C11orf54: variants seen among roughly 807,000 people sequenced by gnomAD.
The protein encoded by C11orf54 is beta-keto L-gulonate decarboxylase.
C11orf54 carries 29 observed loss-of-function variants against 35.5 expected under a neutral mutation model. That is an observed-to-expected ratio of 0.82 (90% confidence interval 0.61 to 1.11). The LOEUF (loss-of-function observed/expected upper bound fraction) is 1.11, where lower values mean the gene tolerates loss of function less well. Ranked by LOEUF, C11orf54 falls within the 50% of genes most tolerant of loss-of-function variation. The probability of loss-of-function intolerance (pLI) is 0.00; values close to 1 mark genes in which losing one functional copy is unlikely to be tolerated. For missense variants in C11orf54, 373 were observed against 369.2 expected (o/e 1.01, Z -0.08); for synonymous variants, 108 against 121.1 (o/e 0.89, Z 0.71).
At chr11:93,754,252 C>T (rs606462) in intron 5 of C11orf54, among the ~76,000 whole-genome samples, 2 of 151,920 alleles carry the variant, frequency 1.3e-5, no homozygotes, top group Non-Finnish European at 2.9e-5. Flanking sequence ...TAGGTCATAG[C>T]TTCAGCCTTA....
intron 5 of C11orf54, 162 bp from the exon 6 acceptor site, chr11:93,755,048 T>G: frequency 1.2e-6 from 1 of 800,038 alleles, no homozygotes. Flanking sequence ...ATAAATGTTT[T>G]CCAAGTTTTT....
In C11orf54 at chr11:93,759,791, A is replaced by C; in HGVS notation, c.707A>C (p.Lys236Thr). 1 of 1,610,966 alleles carries C rather than the reference A, an allele frequency of 6.2e-7. No homozygotes were observed. The highest frequency in any genetic ancestry group is 8.5e-7 in the Non-Finnish European group (1 of 1,177,930). Residue 236 changes from lysine (K) to threonine (T), a missense_variant, in exon 8 of 9, where the codon AAA becomes ACA. Lys to Thr is a moderately conservative substitution (Grantham distance 78, BLOSUM62 -1). Transcript: ENST00000354421. ...CPLNSDEEVN[K>T]WLHFYEMKAP... Reference sequence around the variant, plus strand: ...TTGAACTCTGATGAAGAAGTGAATAAATGGTTGCATTTTTATGAAATGAAA... The same window carrying C: ...TTGAACTCTGATGAAGAAGTGAATACATGGTTGCATTTTTATGAAATGAAA...
rs998687769 is a variant in C11orf54 at position 93,761,743 on chromosome 11, C to T, written c.*55C>T. The T allele has an allele frequency of 7.0e-7, 1 of 1,433,814 alleles. No individual in the cohort carries two copies. Among genetic ancestry groups the T allele is most frequent in the Non-Finnish European group, 9.4e-7 (1 of 1,058,470 alleles). The allele number at this position is 1,433,814 out of a possible 1,614,324, so 88.8% of individuals were successfully genotyped here. On this transcript the variant is annotated 3_prime_UTR_variant, in exon 9 of 9. Transcript: ENST00000354421. Reference sequence around the variant, plus strand: ...TAATTAAGGTTAATTAATTGATTGACTTATTAATTAATACTGATATAAAAC... The same window carrying T: ...TAATTAAGGTTAATTAATTGATTGATTTATTAATTAATACTGATATAAAAC...
At chr11:93,757,172 C>T (rs373007838) in intron 6 of C11orf54, 144 bp from the exon 7 acceptor site, 33 of 781,394 alleles carry the variant, frequency 4.2e-5, no homozygotes, top group African/African-American at 1.9e-4. Context: ...TCAAAATTCA[C>T]GGGATTGCAA....
intron 6 of C11orf54, among the ~76,000 whole-genome samples, chr11:93,755,624 T>C (rs189472233): frequency 6.6e-6 from 1 of 151,814 alleles, no homozygotes; most frequent in East Asian, 2.0e-4. Flanking sequence ...TGGTGGTGTG[T>C]GCCTGTAATC....
intron 1 of C11orf54, among the ~76,000 whole-genome samples, chr11:93,743,715 A>G (rs1266374094): frequency 1.3e-5 from 2 of 152,084 alleles, no homozygotes; most frequent in Non-Finnish European, 2.9e-5. Context: ...GTTTTGAGAG[A>G]ACGTCTGCAC....
At chr11:93,755,425 T>C in intron 6 of C11orf54, 39 bp downstream of exon 6, 1 of 1,580,316 alleles carries the variant, frequency 6.3e-7, no homozygotes, top group Non-Finnish European at 8.7e-7. Context: ...CCCTAAATGT[T>C]CTCAGAAAGC....
intron 7 of C11orf54, among the ~76,000 whole-genome samples, chr11:93,758,468 G>A (rs1432016085): frequency 6.6e-6 from 1 of 152,208 alleles, no homozygotes; most frequent in Non-Finnish European, 1.5e-5. Flanking sequence ...CCGTGGCTGC[G>A]GACCCAGGCA....
chr11:93,753,848 A>G, intron 4 of C11orf54, 88 bp from the exon 5 acceptor site: 1 of 1,532,136 alleles, frequency 6.5e-7, no homozygotes, highest in African/African-American at 1.4e-5. Flanking sequence ...ATCAGTTGGC[A>G]AGGAAGTGCT....
In C11orf54 at chr11:93,760,825, A is replaced by G. The variant is rs182782590; in HGVS notation, c.775-690A>G. 2.6e-3 allele frequency among the ~76,000 whole-genome samples: 397 copies of G among 151,598 alleles called. 4 individuals are homozygous for G. The highest frequency in any genetic ancestry group is 3.4e-3 in the Non-Finnish European group (229 of 67,830). The stretch of plus-strand genomic sequence containing the variant: ...CGGTACTCACCACCACACCCGGCTA[A>G]TTTTTGTATTTTCAGTAGAGACAGG... On this transcript the variant is annotated intron_variant, in intron 8 of 8. Transcript: ENST00000354421.
chr11:93,743,858 A>C (rs1299985913), intron 1 of C11orf54, among the ~76,000 whole-genome samples: 1 of 151,586 alleles, frequency 6.6e-6, no homozygotes, highest in Non-Finnish European at 1.5e-5. Flanking sequence ...TGGGCCATCG[A>C]CTCCCACCAA....
intron 7 of C11orf54, among the ~76,000 whole-genome samples, chr11:93,758,710 G>A (rs1565273942): frequency 6.6e-6 from 1 of 152,242 alleles, no homozygotes; most frequent in East Asian, 1.9e-4. Flanking sequence ...GCGCTGACAC[G>A]AGCGTAGAAG....
At chr11:93,759,095 G>C (rs139749482) in intron 7 of C11orf54, among the ~76,000 whole-genome samples, 1,719 of 152,332 alleles carry the variant, frequency 0.011, 36 homozygotes, top group African/African-American at 0.039. Context: ...GTGGAAGTCA[G>C]TGTGGTGATT....
intron 3 of C11orf54, among the ~76,000 whole-genome samples, chr11:93,750,668 C>T (rs1394803630): frequency 1.3e-5 from 2 of 152,144 alleles, no homozygotes; most frequent in Non-Finnish European, 2.9e-5. Flanking sequence ...GTAACCTTCA[C>T]AGATTGTAGA....
At chr11:93,745,349 C>T (rs1942405983) in intron 1 of C11orf54, among the ~76,000 whole-genome samples, 1 of 152,254 alleles carries the variant, frequency 6.6e-6, no homozygotes, top group South Asian at 2.1e-4. Context: ...GGGCAGAGGT[C>T]CCTGCAGCTT....
At chr11:93,755,647 G>A (rs118019732) in intron 6 of C11orf54, among the ~76,000 whole-genome samples, 1 of 151,652 alleles carries the variant, frequency 6.6e-6, no homozygotes, top group Non-Finnish European at 1.5e-5. Context: ...AGCTACTCGG[G>A]GGGGCTGAGG....
At chr11:93,752,624 T>C (rs1591349424) in intron 3 of C11orf54, among the ~76,000 whole-genome samples, 1 of 152,282 alleles carries the variant, frequency 6.6e-6, no homozygotes, top group Middle Eastern at 3.4e-3. Context: ...TCCAGAATTC[T>C]TTCCTTAGCC....
At chr11:93,748,191 T>C (rs1942587620) in intron 2 of C11orf54, among the ~76,000 whole-genome samples, 1 of 152,128 alleles carries the variant, frequency 6.6e-6, no homozygotes, top group Non-Finnish European at 1.5e-5. Flanking sequence ...TTTCCTCTTA[T>C]AATCTTTTTT....
chr11:93,750,026 A>T (rs1253384738), intron 2 of C11orf54, among the ~76,000 whole-genome samples: 2 of 152,234 alleles, frequency 1.3e-5, no homozygotes, highest in African/African-American at 4.8e-5. Context: ...CTTTTTAAAA[A>T]GTTTAAATGT....
Sources: allele counts gnomAD v4.1 joint callset (sites outside exome capture counted in the v4.1 genomes callset), GRCh38; gene constraint gnomAD v4.1.1; transcripts MANE v1.5; gene names NCBI Gene and HGNC (gene_info 2026-07-23, HGNC 2026-07-21).